BPTF: variants seen among roughly 807,000 people sequenced by gnomAD.
The protein encoded by BPTF is bromodomain PHD finger transcription factor, also known as nucleosome-remodeling factor subunit BPTF.
BPTF carries 18 observed loss-of-function variants against 292.5 expected under a neutral mutation model. That is an observed-to-expected ratio of 0.06 (90% CI 0.04 to 0.09). The LOEUF (loss-of-function observed/expected upper bound fraction) is 0.09. Among genes scored for constraint, BPTF ranks in the 10% least tolerant of loss-of-function variants. The pLI is 1.00. For synonymous variants in BPTF, 1,225 were observed against 1,251.9 expected (o/e 0.98, Z 0.45); for missense variants, 2,726 against 3,498.7 (o/e 0.78, Z 5.57).
intron 1 of BPTF, among the ~76,000 whole-genome samples, chr17:67,841,357 C>T (rs1404267255): frequency 1.3e-5 from 2 of 151,944 alleles, no homozygotes; most frequent in African/African-American, 2.4e-5. Flanking sequence ...TGCAGTGAGT[C>T]GAGATTGCGC....
Position 67,866,498 on chromosome 17 carries a change from A to G in BPTF, c.1471A>G (p.Ile491Val). ...TACAGAAAATGAAAATGAAAAGAAA[A>G]TTTGGTATTACAGCACAAAGGTCCA... is the stretch of plus-strand genomic sequence containing the variant. ...EDTENENEKK[I>V]WYYSTKVQLA... The change falls in exon 3 of 28, where the codon ATT becomes GTT. Residue 491 changes from isoleucine to valine, a missense_variant. Ile to Val is a conservative substitution (Grantham distance 29, BLOSUM62 3). This residue lies in a region of BPTF where 187 missense variants were observed against 201.5 expected (regional missense o/e 0.93). Coordinates refer to ENST00000306378, the MANE Select transcript of BPTF (RefSeq NM_182641.4). 6.2e-7 allele frequency: 1 copy of G among 1,613,638 alleles called. No individual in the cohort carries two copies. The highest frequency in any genetic ancestry group is 8.5e-7 in the Non-Finnish European group (1 of 1,179,534).
chr17:67,874,016 A>G (rs2059911237), intron 3 of BPTF, among the ~76,000 whole-genome samples: 1 of 152,114 alleles, frequency 6.6e-6, no homozygotes, highest in Non-Finnish European at 1.5e-5. Flanking sequence ...GGATGGATGG[A>G]TGGATGGATG....
rs968644421 is a variant in BPTF at position 67,947,288 on chromosome 17, T to C, written c.7618-438T>C. On this transcript the variant is annotated intron_variant, in intron 21 of 27. Transcript: ENST00000306378. Reference sequence around the variant, plus strand: ...ACTGAGAATTACTACACTGTCTGTCTATCCGCTAATCTTTGTATAGGGGAG... The same window carrying C: ...ACTGAGAATTACTACACTGTCTGTCCATCCGCTAATCTTTGTATAGGGGAG... Among the ~76,000 whole-genome samples the C allele has an allele frequency of 2.9e-4, 44 of 152,376 alleles. 1 individual carries two copies. Among genetic ancestry groups the C allele is most frequent in the Admixed American group, 2.7e-3 (42 of 15,308 alleles).
chr17:67,953,961 CTTTTTT>C (rs869063412), intron 23 of BPTF, among the ~76,000 whole-genome samples: 3 of 65,640 alleles, frequency 4.6e-5, no homozygotes, highest in African/African-American at 2.2e-4. Flanking sequence ...CTTTTCTTTT[CTTTTTT>C]TTTTTTTTTT....
intron 18 of BPTF, among the ~76,000 whole-genome samples, chr17:67,938,638 T>A (rs879896112): frequency 6.6e-6 from 1 of 152,200 alleles, no homozygotes; most frequent in Non-Finnish European, 1.5e-5. Context: ...GAAAATAGAC[T>A]TCCGTGTTAC....
intron 11 of BPTF, among the ~76,000 whole-genome samples, chr17:67,916,795 G>A (rs1344982726): frequency 6.8e-6 from 1 of 148,000 alleles, no homozygotes; most frequent in African/African-American, 2.5e-5. Context: ...AGAAAGCATT[G>A]CCTTTTACAT....
chr17:67,878,986 A>T (rs1181468999), intron 4 of BPTF, among the ~76,000 whole-genome samples: 1 of 152,018 alleles, frequency 6.6e-6, no homozygotes. Context: ...ATTTACTTTC[A>T]TGAGTAAAAT....
chr17:67,939,210 A>G (rs146590779), intron 18 of BPTF, among the ~76,000 whole-genome samples: 3 of 152,264 alleles, frequency 2.0e-5, no homozygotes, highest in African/African-American at 7.2e-5. Context: ...AACAACAACA[A>G]CAAAAAGGTG....
At chr17:67,943,249 T>TA (rs1435021531) in intron 19 of BPTF, among the ~76,000 whole-genome samples, 1 of 152,186 alleles carries the variant, frequency 6.6e-6, no homozygotes, top group East Asian at 1.9e-4. Context: ...ATTTTGTGCA[T>TA]AAAAAATGTA....
rs1289529348 is a variant in BPTF at position 67,983,482 on chromosome 17, G to A, written c.*1194G>A. 6.6e-6 allele frequency: 1 copy of A among 152,598 alleles called. No individual in the cohort carries two copies. Among genetic ancestry groups the A allele is most frequent in the Non-Finnish European group, 1.5e-5 (1 of 68,020 alleles). 9.5% of individuals were successfully genotyped at this position (152,598 alleles called of 1,614,324 possible). On this transcript the variant is annotated 3_prime_UTR_variant, in exon 28 of 28. Coordinates refer to ENST00000306378, the MANE Select transcript of BPTF (RefSeq NM_182641.4). ...ATTTTATGAAGGGCATTTTTTAGAT[G>A]ACCTCATCCTCTGTGTTATTTGTTG...
chr17:67,843,754 C>CTTTTTTTT (rs56335701), intron 1 of BPTF, among the ~76,000 whole-genome samples: 8 of 62,228 alleles, frequency 1.3e-4, no homozygotes, highest in South Asian at 4.8e-4. Flanking sequence ...GAGCAGTTGT[C>CTTTTTTTT]TTTTTTTTTT....
chr17:67,935,287 C>T (rs1346580748), intron 18 of BPTF, among the ~76,000 whole-genome samples: 3 of 151,626 alleles, frequency 2.0e-5, no homozygotes, highest in East Asian at 1.9e-4. Context: ...ATTAGCCAGG[C>T]GTGGTGGCAC....
chr17:67,954,941 C>T (rs1285906128), intron 23 of BPTF, among the ~76,000 whole-genome samples: 11 of 152,120 alleles, frequency 7.2e-5, no homozygotes, highest in African/African-American at 2.4e-4. Context: ...TAGACAGAAA[C>T]AGATTCATTA....
chr17:67,901,095 G>A (rs2061804626), intron 7 of BPTF, among the ~76,000 whole-genome samples: 1 of 151,962 alleles, frequency 6.6e-6, no homozygotes, highest in South Asian at 2.1e-4. Flanking sequence ...AGTGAAAAAG[G>A]TACTAGATAT....
intron 25 of BPTF, chr17:67,966,230 T>G (rs2068084161): frequency 4.8e-6 from 1 of 209,640 alleles, no homozygotes; most frequent in Admixed American, 5.3e-5. Context: ...GTGGTAATGA[T>G]TCCACACTTT....
At chr17:67,950,565 CG>C (rs1555678091) in intron 23 of BPTF, among the ~76,000 whole-genome samples, 3 of 151,974 alleles carry the variant, frequency 2.0e-5, no homozygotes, top group Non-Finnish European at 4.4e-5. Flanking sequence ...AGGCTGGGCA[CG>C]GTGGCCCACA....
intron 4 of BPTF, among the ~76,000 whole-genome samples, chr17:67,887,652 A>C (rs2060831906): frequency 1.3e-5 from 2 of 152,222 alleles, no homozygotes; most frequent in South Asian, 2.1e-4. Context: ...AAACCAACTT[A>C]AACTAGCTTA....
intron 26 of BPTF, chr17:67,975,533 C>T: frequency 2.4e-6 from 1 of 413,032 alleles, no homozygotes; most frequent in East Asian, 4.3e-5. Context: ...TGTGCAGTTA[C>T]CTGAAAGTAA....
chr17:67,835,767 G>T (rs1249651616), intron 1 of BPTF, among the ~76,000 whole-genome samples: 2 of 151,526 alleles, frequency 1.3e-5, no homozygotes, highest in African/African-American at 2.4e-5. Context: ...CCGGGTTCAC[G>T]CCATTCTCTT....
Sources: gnomAD v4.1 joint callset for allele counts (sites outside exome capture counted in the v4.1 genomes callset) on GRCh38, gnomAD v4.1.1 for gene constraint, gnomAD v4.1.1 regional missense constraint, MANE v1.5 for transcripts, NCBI Gene and HGNC (gene_info 2026-07-23, HGNC 2026-07-21) for gene names.